The following GRB2 variants were observed in gnomAD, a reference collection of about 807,000 sequenced individuals.
GRB2 encodes growth factor receptor bound protein 2, also known as growth factor receptor-bound protein 2.
In GRB2, 2 loss-of-function variants were observed where a neutral mutation model predicts 27.4. That is an observed-to-expected ratio of 0.07 (90% confidence interval 0.03 to 0.23). The LOEUF is 0.23. Among genes scored for constraint, GRB2 ranks in the 10% least tolerant of loss-of-function variants. The pLI is 1.00. For synonymous variants in GRB2, 94 were observed against 99.6 expected (o/e 0.94, Z 0.33); for missense variants, 102 against 282.4 (o/e 0.36, Z 4.58).
rs1192364479 is a variant in GRB2 at position 75,374,133 on chromosome 17, C to A, written c.78+19418G>T. Among the ~76,000 whole-genome samples, 3 of 151,730 alleles carry A rather than the reference C, an allele frequency of 2.0e-5. No homozygotes were observed. In the East Asian group the frequency reaches 5.9e-4, roughly 30 times the overall value. On this transcript the variant is annotated intron_variant, in intron 2 of 5. Transcript: ENST00000316804. ...CTTAAGAATTTATCAAGGCCAGGCG[C>A]AGAGGCTCATGCTTGTAATCCTAGC...
chr17:75,335,575 G>A (rs913683929), intron 2 of GRB2, among the ~76,000 whole-genome samples: 2 of 152,178 alleles, frequency 1.3e-5, no homozygotes, highest in Admixed American at 6.5e-5. Flanking sequence ...GGTATGCCCT[G>A]CAGAGCTTTG....
intron 2 of GRB2, among the ~76,000 whole-genome samples, chr17:75,356,476 G>A (rs2078734634): frequency 6.6e-6 from 1 of 152,078 alleles, no homozygotes; most frequent in South Asian, 2.1e-4. Flanking sequence ...CCACTGTACC[G>A]CAGCCTAAGT....
chr17:75,328,940 AAAATAAAT>A (rs3047534), intron 3 of GRB2, among the ~76,000 whole-genome samples: 1,977 of 147,122 alleles, frequency 0.013, 52 homozygotes, highest in South Asian at 0.049. Context: ...TCGCTTTCAA[AAAATAAAT>A]AAATAAATAA....
intron 2 of GRB2, among the ~76,000 whole-genome samples, chr17:75,351,141 G>A (rs2078689840): frequency 6.6e-6 from 1 of 152,140 alleles, no homozygotes; most frequent in Non-Finnish European, 1.5e-5. Flanking sequence ...GACAGGAATT[G>A]AGATTAGGGT....
intron 1 of GRB2, among the ~76,000 whole-genome samples, chr17:75,403,486 G>A (rs2079077330): frequency 6.6e-6 from 1 of 152,148 alleles, no homozygotes; most frequent in Admixed American, 6.6e-5. Context: ...TTAAACGTTT[G>A]AGTTCAGGCC....
intron 4 of GRB2, among the ~76,000 whole-genome samples, chr17:75,324,085 C>A (rs1352443713): frequency 6.6e-6 from 1 of 152,002 alleles, no homozygotes; most frequent in African/African-American, 2.4e-5. Flanking sequence ...GCTGGGATTA[C>A]AGGCATGAGC....
chr17:75,364,868 G>C lies in GRB2; in HGVS notation c.78+28683C>G, dbSNP rs543458145. ...AAACCCAGCCAAGCAGAAAAAGGCA[G>C]TGTTTTGAGGTCCATTTAGGAAAAA... is the stretch of plus-strand genomic sequence containing the variant. On this transcript the variant is annotated intron_variant, in intron 2 of 5. Coordinates refer to ENST00000316804, the MANE Select transcript of GRB2 (RefSeq NM_002086.5). Among the ~76,000 whole-genome samples, 3 of 151,910 alleles carry C rather than the reference G, an allele frequency of 2.0e-5. No homozygotes were observed. In the East Asian group the frequency reaches 5.8e-4, roughly 30 times the overall value.
At chr17:75,398,890 G>C (rs984529899) in intron 1 of GRB2, among the ~76,000 whole-genome samples, 2 of 151,394 alleles carry the variant, frequency 1.3e-5, no homozygotes, top group Non-Finnish European at 3.0e-5. Flanking sequence ...TGGGATTACA[G>C]GTGCCTGTAA....
chr17:75,344,546 C>A (rs546156329), intron 2 of GRB2: 1 of 152,000 alleles, frequency 6.6e-6, no homozygotes, highest in Non-Finnish European at 1.5e-5. Context: ...GTGCCTGCCA[C>A]CAAGCTGGCT....
intron 3 of GRB2, among the ~76,000 whole-genome samples, chr17:75,326,891 A>G (rs2078501898): frequency 6.6e-6 from 1 of 152,214 alleles, no homozygotes; most frequent in Non-Finnish European, 1.5e-5. Context: ...AGAAACTGTG[A>G]AAACCATGTT....
At chr17:75,350,046 C>CAA (rs397934291) in intron 2 of GRB2, among the ~76,000 whole-genome samples, 1,661 of 144,186 alleles carry the variant, frequency 0.012, 24 homozygotes, top group South Asian at 0.052. Context: ...ATAAAACAAC[C>CAA]AAAAAAAAAA....
intron 1 of GRB2, among the ~76,000 whole-genome samples, chr17:75,397,859 T>G (rs1034395520): frequency 1.4e-5 from 2 of 144,610 alleles, no homozygotes; most frequent in Non-Finnish European, 3.1e-5. Context: ...ATTTATTTTT[T>G]GAGACAGCAT....
At chr17:75,339,682 A>C (rs2078607478) in intron 2 of GRB2, among the ~76,000 whole-genome samples, 1 of 149,172 alleles carries the variant, frequency 6.7e-6, no homozygotes, top group Non-Finnish European at 1.5e-5. Flanking sequence ...GCTGGAGTGC[A>C]ATGGCGCCAT....
Position 75,375,739 on chromosome 17 carries a change from G to C in GRB2, c.78+17812C>G, listed in dbSNP as rs191113671. On this transcript the variant is annotated intron_variant, in intron 2 of 5. Transcript: ENST00000316804. ...TCTACAAATATACAAAAAGTACTGG[G>C]GACTGGCCGGGCGCAGTGGCTCAAG... 6.0e-3 allele frequency among the ~76,000 whole-genome samples: 909 copies of C among 151,568 alleles called. 6 individuals are homozygous for C. Among genetic ancestry groups the C allele is most frequent in the Non-Finnish European group, 8.7e-3 (590 of 67,834 alleles).
At chr17:75,404,137 C>T (rs1042267263) in intron 1 of GRB2, among the ~76,000 whole-genome samples, 2 of 151,866 alleles carry the variant, frequency 1.3e-5, no homozygotes, top group Admixed American at 1.3e-4. Flanking sequence ...CTGAGCTGAC[C>T]CAATCTTCCT....
At chr17:75,341,673 T>C (rs1468752408) in intron 2 of GRB2, among the ~76,000 whole-genome samples, 1 of 152,084 alleles carries the variant, frequency 6.6e-6, no homozygotes, top group Non-Finnish European at 1.5e-5. Context: ...CATTACTTTA[T>C]ACTTCCCTCT....
intron 1 of GRB2, among the ~76,000 whole-genome samples, chr17:75,403,264 T>C (rs1471549176): frequency 1.3e-5 from 2 of 151,440 alleles, no homozygotes; most frequent in Admixed American, 6.6e-5. Flanking sequence ...CCGGAGGGCA[T>C]GGTGACTCTC....
intron 1 of GRB2, among the ~76,000 whole-genome samples, chr17:75,397,088 G>T (rs1363697553): frequency 2.0e-5 from 3 of 152,150 alleles, no homozygotes; most frequent in Non-Finnish European, 2.9e-5. Flanking sequence ...AGTAACTATT[G>T]CTTTGTGAGA....
chr17:75,343,043 T>C (rs917890322), intron 2 of GRB2, among the ~76,000 whole-genome samples: 1 of 3,472 alleles, frequency 2.9e-4, no homozygotes, highest in Non-Finnish European at 2.1e-3. Context: ...GAGAGAAACC[T>C]TGTCTCAAAA....
Sources: gnomAD v4.1 joint callset for allele counts (sites outside exome capture counted in the v4.1 genomes callset) on GRCh38, gnomAD v4.1.1 for gene constraint, MANE v1.5 for transcripts, NCBI Gene and HGNC (gene_info 2026-07-23, HGNC 2026-07-21) for gene names.